The following MARCHF1 variants were observed in gnomAD, a reference collection of about 807,000 sequenced individuals.
MARCHF1 encodes membrane associated ring-CH-type finger 1, also known as E3 ubiquitin-protein ligase MARCHF1.
Under a neutral mutation model 54.2 loss-of-function variants are expected in MARCHF1, and 40 were observed. The observed-to-expected ratio is 0.74, with a 90% confidence interval of 0.57 to 0.96. MARCHF1 has a LOEUF of 0.96. Among genes scored for constraint, MARCHF1 ranks in the 40% least tolerant of loss-of-function variants. The pLI, the probability that MARCHF1 is intolerant of heterozygous loss-of-function variation, is 0.00. For missense variants in MARCHF1, 586 were observed against 656.5 expected, an observed-to-expected ratio of 0.89 and a Z score of 1.17; for synonymous variants, 236 against 236.3, an observed-to-expected ratio of 1.00 and a Z score of 0.01.
At chr4:164,124,746 A>T (rs1756144319) in intron 1 of MARCHF1, among the ~76,000 whole-genome samples, 1 of 152,148 alleles carries the variant, frequency 6.6e-6, no homozygotes, top group South Asian at 2.1e-4. Context: ...ACCCATGGAC[A>T]CAGAGAGTAG....
chr4:163,823,685 T>A (rs7695532), intron 4 of MARCHF1, among the ~76,000 whole-genome samples: 119,711 of 151,672 alleles, frequency 0.79, 48,282 homozygotes, highest in South Asian at 0.91. Flanking sequence ...TTTATCACTA[T>A]CATTGCTAAA....
chr4:164,217,604 G>T (rs1174833942), intron 1 of MARCHF1, among the ~76,000 whole-genome samples: 2 of 152,150 alleles, frequency 1.3e-5, no homozygotes, highest in African/African-American at 2.4e-5. Context: ...TGACACCTTG[G>T]ATGATAAAGA....
At chr4:163,897,690 C>T (rs775498776) in intron 3 of MARCHF1, among the ~76,000 whole-genome samples, 14 of 152,112 alleles carry the variant, frequency 9.2e-5, no homozygotes, top group South Asian at 4.1e-4. Flanking sequence ...GAAATGGACC[C>T]CCATCTCTCA....
chr4:163,676,442 T>C (rs771823959), intron 5 of MARCHF1, among the ~76,000 whole-genome samples: 13 of 151,298 alleles, frequency 8.6e-5, no homozygotes, highest in East Asian at 1.9e-4. Flanking sequence ...AAGAAGATAA[T>C]GTATAGGTTT....
At chr4:163,805,842 C>T (rs1049651514) in intron 4 of MARCHF1, among the ~76,000 whole-genome samples, 13 of 152,150 alleles carry the variant, frequency 8.5e-5, no homozygotes, top group African/African-American at 2.9e-4. Flanking sequence ...TGCAGAATCC[C>T]CTCTTCTCTT....
At chr4:164,148,764 A>T (rs1011463732) in intron 1 of MARCHF1, among the ~76,000 whole-genome samples, 1 of 151,664 alleles carries the variant, frequency 6.6e-6, no homozygotes, top group African/African-American at 2.4e-5. Flanking sequence ...ATTAATTCCT[A>T]TAAGTAATTC....
intron 4 of MARCHF1, among the ~76,000 whole-genome samples, chr4:163,831,686 A>T (rs1749028919): frequency 6.6e-6 from 1 of 152,220 alleles, no homozygotes; most frequent in Admixed American, 6.5e-5. Context: ...TCAAAAGCCA[A>T]ATTGCCAAAT....
At position 164,199,693 on chromosome 4, in the gene MARCHF1, G is replaced by C. The variant is rs889580070; in HGVS notation, c.-322-88031C>G. Among the ~76,000 whole-genome samples the C allele has an allele frequency of 5.7e-3, 843 of 147,938 alleles. 12 individuals carry two copies. The highest frequency in any genetic ancestry group is 0.021 in the African/African-American group (808 of 39,112). ...ACACACACACACACAGAGAGAGAGA[G>C]AGAGAGAGAGAGAGAGAGAAGAGAG... On this transcript the variant is annotated intron_variant, in intron 1 of 9. Transcript: ENST00000514618.
intron 1 of MARCHF1, among the ~76,000 whole-genome samples, chr4:164,309,191 C>A (rs1734777568): frequency 7.0e-6 from 1 of 143,618 alleles, no homozygotes; most frequent in South Asian, 2.4e-4. Flanking sequence ...GTGTACGTGG[C>A]CAAAAAGAAA....
intron 3 of MARCHF1, among the ~76,000 whole-genome samples, chr4:163,953,719 T>C (rs1752178868): frequency 6.6e-6 from 1 of 152,162 alleles, no homozygotes; most frequent in Admixed American, 6.5e-5. Context: ...GAGTTAAGAA[T>C]GGTTTTTACA....
chr4:164,360,668 C>T (rs1730697849), intron 1 of MARCHF1, among the ~76,000 whole-genome samples: 1 of 152,088 alleles, frequency 6.6e-6, no homozygotes, highest in Admixed American at 6.6e-5. Flanking sequence ...AAGATTCTTA[C>T]TCAGGTGATC....
Position 163,596,201 on chromosome 4 carries a change from G to A in MARCHF1, c.1011-10272C>T, listed in dbSNP as rs539583079. On this transcript the variant is annotated intron_variant, in intron 7 of 9. Transcript: ENST00000514618. Reference sequence around the variant, plus strand: ...AGGAAGAGAGCAAAGGATGGACCAAGCTGACTTTAAGCTTTCAATTAAGCT... The same window carrying A: ...AGGAAGAGAGCAAAGGATGGACCAAACTGACTTTAAGCTTTCAATTAAGCT... Among the ~76,000 whole-genome samples, 11 of 152,176 alleles carry A rather than the reference G, an allele frequency of 7.2e-5. No homozygotes were observed. In the East Asian group the frequency reaches 2.1e-3, roughly 29 times the overall value.
At chr4:164,113,331 G>T (rs1354426754) in intron 1 of MARCHF1, among the ~76,000 whole-genome samples, 1 of 151,954 alleles carries the variant, frequency 6.6e-6, no homozygotes, top group Admixed American at 6.6e-5. Flanking sequence ...ATGATTTTAG[G>T]TTCCCCACAT....
intron 2 of MARCHF1, among the ~76,000 whole-genome samples, chr4:164,040,672 T>C (rs1473001062): frequency 6.6e-6 from 1 of 151,904 alleles, no homozygotes; most frequent in East Asian, 1.9e-4. Flanking sequence ...TTGCAGTAAA[T>C]ATATACATGG....
chr4:164,220,720 G>GCTATATATGTATATATGTAATAT (rs1376863885), intron 1 of MARCHF1, among the ~76,000 whole-genome samples: 3 of 142,326 alleles, frequency 2.1e-5, no homozygotes, highest in Non-Finnish European at 4.5e-5. Context: ...TAATATATAT[G>GCTATATATGTATATATGTAATAT]ATATATGTAT....
At chr4:164,285,499 G>C (rs13148130) in intron 1 of MARCHF1, among the ~76,000 whole-genome samples, 2 of 151,814 alleles carry the variant, frequency 1.3e-5, no homozygotes, top group Non-Finnish European at 2.9e-5. Flanking sequence ...CTGGAGTGCA[G>C]TGGCGCGATC....
intron 1 of MARCHF1, among the ~76,000 whole-genome samples, chr4:164,361,114 G>C (rs1199321962): frequency 6.6e-6 from 1 of 151,828 alleles, no homozygotes; most frequent in East Asian, 2.0e-4. Context: ...AAGGACTGGT[G>C]AAACACTTGG....
At chr4:164,137,654 A>T (rs1756431023) in intron 1 of MARCHF1, among the ~76,000 whole-genome samples, 1 of 152,278 alleles carries the variant, frequency 6.6e-6, no homozygotes, top group East Asian at 1.9e-4. Flanking sequence ...GTCATATATA[A>T]AAAAGAAACA....
chr4:163,976,239 T>C (rs1448664779), intron 3 of MARCHF1, among the ~76,000 whole-genome samples: 1 of 152,106 alleles, frequency 6.6e-6, no homozygotes, highest in East Asian at 1.9e-4. Context: ...AGAGGACAAA[T>C]AACTTGTCTC....
Sources: allele counts gnomAD v4.1 joint callset (sites outside exome capture counted in the v4.1 genomes callset), GRCh38; gene constraint gnomAD v4.1.1; transcripts MANE v1.5; gene names NCBI Gene and HGNC (gene_info 2026-07-23, HGNC 2026-07-21).